Variants in KIAA0825 observed in about 807,000 individuals in gnomAD.
The protein encoded by KIAA0825 is KIAA0825, also known as uncharacterized protein KIAA0825.
In KIAA0825, 119 loss-of-function variants were observed where a neutral mutation model predicts 147.6. The observed-to-expected ratio is 0.81, with a 90% confidence interval of 0.69 to 0.94. KIAA0825 has a LOEUF of 0.94. KIAA0825 is among the 40% of genes least tolerant of loss of function. The pLI is 0.00. For synonymous variants in KIAA0825, 470 were observed against 518.1 expected, an observed-to-expected ratio of 0.91 and a Z score of 1.26; for missense variants, 1,381 against 1,472.7, an observed-to-expected ratio of 0.94 and a Z score of 1.02.
intron 1 of KIAA0825, among the ~76,000 whole-genome samples, chr5:94,587,475 C>G (rs749745378): frequency 1.3e-5 from 2 of 152,026 alleles, no homozygotes; most frequent in East Asian, 1.9e-4. Flanking sequence ...ACCTAGGAAT[C>G]CAGCTTACAA....
chr5:94,181,514 A>G (rs1369194253), intron 20 of KIAA0825, among the ~76,000 whole-genome samples: 1 of 152,232 alleles, frequency 6.6e-6, no homozygotes, highest in Non-Finnish European at 1.5e-5. Context: ...ACCATAATTT[A>G]AACCATAATA....
chr5:94,495,442 T>C (rs959516234), intron 5 of KIAA0825, among the ~76,000 whole-genome samples: 2 of 152,168 alleles, frequency 1.3e-5, no homozygotes, highest in African/African-American at 4.8e-5. Context: ...ACAAAAAGCA[T>C]CTTTAAGTGG....
At chr5:94,243,338 G>T (rs866361517) in intron 20 of KIAA0825, among the ~76,000 whole-genome samples, 1 of 152,190 alleles carries the variant, frequency 6.6e-6, no homozygotes, top group South Asian at 2.1e-4. Flanking sequence ...GGCAGGCCTT[G>T]CAGGGTATAA....
intron 16 of KIAA0825, among the ~76,000 whole-genome samples, chr5:94,397,965 CT>C (rs999189909): frequency 6.6e-6 from 1 of 151,828 alleles, no homozygotes; most frequent in African/African-American, 2.4e-5. Flanking sequence ...TCCTTTCCTC[CT>C]TTCTTCCTTC....
At chr5:94,279,250 C>CA (rs948730789) in intron 20 of KIAA0825, among the ~76,000 whole-genome samples, 2 of 151,762 alleles carry the variant, frequency 1.3e-5, no homozygotes, top group Admixed American at 6.6e-5. Context: ...ATATGAACTA[C>CA]AAAAAAACTT....
chr5:94,331,954 G>C (rs1473133344), intron 20 of KIAA0825, among the ~76,000 whole-genome samples: 3 of 151,882 alleles, frequency 2.0e-5, no homozygotes, highest in Non-Finnish European at 2.9e-5. Context: ...CTGAGGTCAG[G>C]AGTTCGAGAC....
At position 94,335,279 on chromosome 5, in the gene KIAA0825, T is replaced by A. The variant is rs1008029939; in HGVS notation, c.3710+49089A>T. ...AGAAATTAAGTTTGGAAAAATAACATCTTTATGATATTCAATTTTCCTACT... is the reference window on the plus strand; with the variant it reads ...AGAAATTAAGTTTGGAAAAATAACAACTTTATGATATTCAATTTTCCTACT... On this transcript the variant is annotated intron_variant, in intron 20 of 20. Transcript: ENST00000682413. 2.6e-5 allele frequency among the ~76,000 whole-genome samples: 4 copies of A among 152,176 alleles called. No homozygotes were observed. In the East Asian group the frequency reaches 7.7e-4, roughly 29 times the overall value.
At position 94,157,468 on chromosome 5, in the gene KIAA0825, G is replaced by C. The variant is rs950475063; in HGVS notation, c.3711-3344C>G. Reference sequence around the variant, plus strand: ...AGCACAGTAGGGACTCTAAAGCCTAGACTGAGATACTCTAACAGAATCAGC... The same window carrying C: ...AGCACAGTAGGGACTCTAAAGCCTACACTGAGATACTCTAACAGAATCAGC... On this transcript the variant is annotated intron_variant, in intron 20 of 20. Transcript: ENST00000682413. 2.6e-5 allele frequency among the ~76,000 whole-genome samples: 4 copies of C among 152,150 alleles called. No individual in the cohort carries two copies. The East Asian group carries it at 7.7e-4, about 29-fold the overall frequency.
At chr5:94,532,440 C>A (rs1355809692) in intron 3 of KIAA0825, among the ~76,000 whole-genome samples, 1 of 152,034 alleles carries the variant, frequency 6.6e-6, no homozygotes, top group Non-Finnish European at 1.5e-5. Flanking sequence ...TAGGCATGAG[C>A]CCCCACCCGA....
intron 2 of KIAA0825, among the ~76,000 whole-genome samples, chr5:94,565,094 C>CTTTTTTTTT (rs1285299381): frequency 1.9e-5 from 1 of 51,908 alleles, no homozygotes; most frequent in African/African-American, 9.4e-5. Flanking sequence ...TTCTTGCTTT[C>CTTTTTTTTT]CTTTTTTTTT....
intron 3 of KIAA0825, among the ~76,000 whole-genome samples, chr5:94,529,405 C>CTCATATATGTATATATCATATGTATATA (rs747257325): frequency 0.11 from 10,885 of 96,966 alleles, 581 homozygotes; most frequent in Non-Finnish European, 0.15. Flanking sequence ...ATATGTATAT[C>CTCATATATGTATATATCATATGTATATA]TCATATATGT....
intron 20 of KIAA0825, among the ~76,000 whole-genome samples, chr5:94,227,866 T>A (rs1438998459): frequency 6.6e-6 from 1 of 151,328 alleles, no homozygotes; most frequent in Non-Finnish European, 1.5e-5. Context: ...GAGAAATGCC[T>A]ACTGTAAGTG....
intron 20 of KIAA0825, among the ~76,000 whole-genome samples, chr5:94,265,614 C>T (rs1436405637): frequency 6.6e-6 from 1 of 152,172 alleles, no homozygotes; most frequent in African/African-American, 2.4e-5. Context: ...GCCTGGCCAA[C>T]ATGGTGAAAC....
intron 20 of KIAA0825, among the ~76,000 whole-genome samples, chr5:94,267,388 C>A (rs1412075911): frequency 1.3e-5 from 2 of 151,866 alleles, no homozygotes; most frequent in African/African-American, 4.9e-5. Flanking sequence ...CTCTGGTGGT[C>A]TTCCTAAACT....
chr5:94,613,124 C>G (rs1789355394), intron 1 of KIAA0825, among the ~76,000 whole-genome samples: 1 of 152,072 alleles, frequency 6.6e-6, no homozygotes, highest in South Asian at 2.1e-4. Flanking sequence ...TCGTTTTGAA[C>G]TTTTATAGTT....
At chr5:94,440,318 C>T (rs1030101) in intron 13 of KIAA0825, among the ~76,000 whole-genome samples, 197 bp from the exon 14 acceptor site, 59,862 of 152,000 alleles carry the variant, frequency 0.39, 11,968 homozygotes, top group Middle Eastern at 0.48. Flanking sequence ...TAAAAGCAAA[C>T]TAACATTTGG....
intron 20 of KIAA0825, among the ~76,000 whole-genome samples, chr5:94,319,336 C>G (rs1218708031): frequency 2.6e-5 from 4 of 151,848 alleles, no homozygotes; most frequent in Non-Finnish European, 5.9e-5. Flanking sequence ...GATCTCAATC[C>G]AAGATGATTT....
chr5:94,298,263 A>G (rs1172875078), intron 20 of KIAA0825, among the ~76,000 whole-genome samples: 1 of 151,934 alleles, frequency 6.6e-6, no homozygotes, highest in Admixed American at 6.6e-5. Context: ...AAAAAGTAAG[A>G]ATGGCGGGTG....
intron 1 of KIAA0825, among the ~76,000 whole-genome samples, chr5:94,609,283 A>C (rs151013307): frequency 0.018 from 2,733 of 152,338 alleles, 66 homozygotes; most frequent in African/African-American, 0.053. Context: ...TCTTTTATTA[A>C]GCCAGACATT....
Sources: allele counts gnomAD v4.1 joint callset (sites outside exome capture counted in the v4.1 genomes callset), GRCh38; gene constraint gnomAD v4.1.1; transcripts MANE v1.5; gene names NCBI Gene and HGNC (gene_info 2026-07-23, HGNC 2026-07-21).